FAM184B: variants seen among roughly 807,000 people sequenced by gnomAD.
The protein encoded by FAM184B is family with sequence similarity 184 member B, also known as protein FAM184B.
In FAM184B, 111 loss-of-function variants were observed where a neutral mutation model predicts 135.9. That is an observed-to-expected ratio of 0.82 (90% CI 0.70 to 0.96). The LOEUF is 0.96. FAM184B is among the 40% of genes least tolerant of loss of function. The pLI, the probability that FAM184B is intolerant of heterozygous loss-of-function variation, is 0.00. For synonymous variants in FAM184B, 552 were observed against 524.8 expected (o/e 1.05, Z -0.71); for missense variants, 1,375 against 1,323.9 (o/e 1.04, Z -0.60).
intron 14 of FAM184B, 103 bp from the exon 15 acceptor site, chr4:17,636,748 G>C: frequency 1.0e-6 from 1 of 985,014 alleles, no homozygotes; most frequent in Non-Finnish European, 1.5e-6. Flanking sequence ...GTTCAGCCCG[G>C]CCAGGGAGGC....
chr4:17,707,352 G>A (rs1717141735), intron 3 of FAM184B, among the ~76,000 whole-genome samples: 1 of 152,364 alleles, frequency 6.6e-6, no homozygotes, highest in South Asian at 2.1e-4. Flanking sequence ...GGTGAAGTGA[G>A]TCAGTGCTAA....
intron 1 of FAM184B, among the ~76,000 whole-genome samples, chr4:17,714,596 T>G (rs1455252764): frequency 6.6e-6 from 1 of 152,136 alleles, no homozygotes; most frequent in Non-Finnish European, 1.5e-5. Context: ...TTGGGGTCCC[T>G]GAGACTAACT....
chr4:17,648,011 A>T (rs1046097882), intron 11 of FAM184B, among the ~76,000 whole-genome samples: 3 of 152,140 alleles, frequency 2.0e-5, no homozygotes, highest in African/African-American at 7.2e-5. Flanking sequence ...TCTGGTATGA[A>T]TTATCCCCCA....
At chr4:17,733,815 T>C (rs1717844559) in intron 1 of FAM184B, among the ~76,000 whole-genome samples, 1 of 152,162 alleles carries the variant, frequency 6.6e-6, no homozygotes, top group African/African-American at 2.4e-5. Flanking sequence ...CTTCACAGAA[T>C]TGGAGAAAAC....
chr4:17,746,835 C>T (rs539159802), intron 1 of FAM184B, among the ~76,000 whole-genome samples: 3 of 151,350 alleles, frequency 2.0e-5, no homozygotes, highest in Non-Finnish European at 4.4e-5. Context: ...GTCAGGAGTT[C>T]GAGACCAGCC....
At position 17,721,362 on chromosome 4, in the gene FAM184B, C is replaced by T. The variant is rs60292796; in HGVS notation, c.142-11718G>A. On this transcript the variant is annotated intron_variant, in intron 1 of 17. Transcript: ENST00000265018. The stretch of plus-strand genomic sequence containing the variant: ...TTGCACCACTGCACTCCAGCCTGGG[C>T]GACAGAGAAAGATTCTGTCTCAAAA... 9.9e-3 allele frequency among the ~76,000 whole-genome samples: 902 copies of T among 91,552 alleles called. 10 individuals carry two copies. Among genetic ancestry groups the T allele is most frequent in the African/African-American group, 0.034 (819 of 24,242 alleles). The allele number at this position is 91,552 out of a possible 152,430, so 60.1% of individuals were successfully genotyped here. A position where few individuals can be genotyped will look rare whatever the true frequency, so the allele number is the denominator to read the frequency against.
At chr4:17,649,593 A>C (rs919755023) in intron 11 of FAM184B, among the ~76,000 whole-genome samples, 1 of 152,070 alleles carries the variant, frequency 6.6e-6, no homozygotes, top group Non-Finnish European at 1.5e-5. Context: ...CAAAAAAAAA[A>C]AAAAAAATTT....
chr4:17,633,626 C>G (rs1275620900), intron 17 of FAM184B, 63 bp downstream of exon 17: 10 of 1,350,872 alleles, frequency 7.4e-6, no homozygotes, highest in Non-Finnish European at 8.7e-6. Flanking sequence ...AGAAAGAATC[C>G]TACTTCCCCT....
At chr4:17,699,075 C>T (rs890964844) in intron 5 of FAM184B, among the ~76,000 whole-genome samples, 2 of 151,962 alleles carry the variant, frequency 1.3e-5, no homozygotes, top group African/African-American at 4.8e-5. Context: ...TAAAGAAGAA[C>T]AGAATGGAAT....
intron 5 of FAM184B, among the ~76,000 whole-genome samples, chr4:17,696,574 G>A (rs1716862786): frequency 6.6e-6 from 1 of 152,230 alleles, no homozygotes; most frequent in Non-Finnish European, 1.5e-5. Context: ...CACTTTGGGA[G>A]AATGAGGCAG....
In FAM184B at chr4:17,724,701, G is replaced by A. The variant is rs1053074316; in HGVS notation, c.142-15057C>T. Among the ~76,000 whole-genome samples the A allele has an allele frequency of 2.0e-4, 31 of 152,214 alleles. 1 individual carries two copies. The highest frequency in any genetic ancestry group is 1.9e-4 in the East Asian group (1 of 5,194). ...GGCCATGTGGTTGCAGGCACTCTGC[G>A]CTTGCAGAAATGAGCTCCTGAATTC... On this transcript the variant is annotated intron_variant, in intron 1 of 17. Coordinates refer to ENST00000265018, the MANE Select transcript of FAM184B (RefSeq NM_015688.2).
intron 7 of FAM184B, among the ~76,000 whole-genome samples, chr4:17,681,446 A>G (rs571711307): frequency 6.6e-6 from 1 of 152,324 alleles, no homozygotes; most frequent in African/African-American, 2.4e-5. Context: ...GAACCTCTCC[A>G]TGGAGTGAAG....
chr4:17,652,743 G>A, intron 11 of FAM184B, 87 bp downstream of exon 11: 6 of 1,450,156 alleles, frequency 4.1e-6, no homozygotes, highest in Non-Finnish European at 5.6e-6. Flanking sequence ...GAGAACCCTG[G>A]AGCCCTGGCC....
At chr4:17,754,199 A>G (rs140686765) in intron 1 of FAM184B, among the ~76,000 whole-genome samples, 46 of 152,306 alleles carry the variant, frequency 3.0e-4, no homozygotes, top group African/African-American at 1.0e-3. Flanking sequence ...AGCAGCAAAC[A>G]CACACTCATG....
intron 1 of FAM184B, among the ~76,000 whole-genome samples, chr4:17,779,488 T>A (rs1718993599): frequency 6.6e-6 from 1 of 152,218 alleles, no homozygotes; most frequent in South Asian, 2.1e-4. Context: ...CTGCTGTGTT[T>A]TCAGTGCTTG....
chr4:17,776,545 T>C (rs374275090), intron 1 of FAM184B, among the ~76,000 whole-genome samples: 2,084 of 152,198 alleles, frequency 0.014, 54 homozygotes, highest in African/African-American at 0.047. Flanking sequence ...TGCACCACCA[T>C]GCCCAGCTAA....
intron 9 of FAM184B, 111 bp downstream of exon 9, chr4:17,659,847 A>T: frequency 7.2e-7 from 1 of 1,393,530 alleles, no homozygotes; most frequent in Non-Finnish European, 9.7e-7. Context: ...CTGGTCCTGT[A>T]ATGCCTTCCC....
chr4:17,759,446 C>T (rs1455628520), intron 1 of FAM184B, among the ~76,000 whole-genome samples: 1 of 152,120 alleles, frequency 6.6e-6, no homozygotes, highest in African/African-American at 2.4e-5. Flanking sequence ...AACTGTGAGC[C>T]AATTAAATCT....
intron 16 of FAM184B, 25 bp from the exon 17 acceptor site, chr4:17,633,913 G>GTGCAA (rs1388315240): frequency 2.9e-6 from 4 of 1,397,404 alleles, no homozygotes; most frequent in Non-Finnish European, 3.8e-6. Context: ...GGACAGGTTA[G>GTGCAA]TGCAATGCAA....
Sources: allele counts gnomAD v4.1 joint callset (sites outside exome capture counted in the v4.1 genomes callset), GRCh38; gene constraint gnomAD v4.1.1; transcripts MANE v1.5; gene names NCBI Gene and HGNC (gene_info 2026-07-23, HGNC 2026-07-21).